STK32B: variants seen among roughly 807,000 people sequenced by gnomAD.
STK32B encodes serine/threonine-protein kinase 32B.
STK32B carries 43 observed loss-of-function variants against 52.6 expected under a neutral mutation model. The observed-to-expected ratio is 0.82, with a 90% CI of 0.64 to 1.05. The LOEUF is 1.05. Among genes scored for constraint, STK32B ranks in the 50% least tolerant of loss-of-function variants. The pLI, the probability that STK32B is intolerant of heterozygous loss-of-function variation, is 0.00. For synonymous variants in STK32B, 238 were observed against 204.3 expected (o/e 1.17, Z -1.41); for missense variants, 621 against 534.6 (o/e 1.16, Z -1.59).
At chr4:5,355,981 A>G (rs1734146568) in intron 4 of STK32B, among the ~76,000 whole-genome samples, 1 of 152,176 alleles carries the variant, frequency 6.6e-6, no homozygotes, top group South Asian at 2.1e-4. Flanking sequence ...CCTTCAGACC[A>G]GAGGCCAAAT....
intron 2 of STK32B, among the ~76,000 whole-genome samples, chr4:5,159,730 T>TATATGAATATATATATGA (rs1718269306): frequency 3.8e-5 from 4 of 105,700 alleles, no homozygotes; most frequent in African/African-American, 3.1e-4. Context: ...TGTATATGAA[T>TATATGAATATATATATGA]ATATATATGA....
At chr4:5,226,384 T>C (rs1335655855) in intron 3 of STK32B, among the ~76,000 whole-genome samples, 1 of 152,228 alleles carries the variant, frequency 6.6e-6, no homozygotes, top group Non-Finnish European at 1.5e-5. Context: ...TCATTCTCCA[T>C]GGTTTCAGTT....
intron 2 of STK32B, among the ~76,000 whole-genome samples, chr4:5,160,448 G>C (rs1179913136): frequency 6.6e-6 from 1 of 152,020 alleles, no homozygotes; most frequent in Admixed American, 6.6e-5. Context: ...GCCCTCTCCT[G>C]GTAACCCCCT....
chr4:5,235,492 A>G (rs549788340), intron 3 of STK32B, among the ~76,000 whole-genome samples: 1 of 152,350 alleles, frequency 6.6e-6, no homozygotes, highest in East Asian at 1.9e-4. Flanking sequence ...AGACTAGTAC[A>G]AGGTATACAG....
At chr4:5,457,216 T>G (rs9291093) in intron 8 of STK32B, among the ~76,000 whole-genome samples, 1 of 141,630 alleles carries the variant, frequency 7.1e-6, no homozygotes, top group African/African-American at 2.9e-5. Context: ...TTTTTTCTTT[T>G]TTTTTTTTTT....
chr4:5,239,773 T>C (rs1439536212), intron 3 of STK32B, among the ~76,000 whole-genome samples: 5 of 152,062 alleles, frequency 3.3e-5, no homozygotes, highest in African/African-American at 4.8e-5. Context: ...TTTTTTTTTT[T>C]CTGGAATGAA....
At chr4:5,099,452 G>GCA (rs773470174) in intron 1 of STK32B, among the ~76,000 whole-genome samples, 5 of 50,850 alleles carry the variant, frequency 9.8e-5, no homozygotes, top group Admixed American at 3.6e-4. Context: ...GTGTGTGTGC[G>GCA]CGCGCGCGTA....
chr4:5,042,042 G>A, the STK32B span, among the ~76,000 whole-genome samples: 1 of 152,138 alleles, frequency 6.6e-6, no homozygotes, highest in Non-Finnish European at 1.5e-5. Flanking sequence ...AAAATTAAAT[G>A]TTACGGCTTT....
At chr4:5,464,230 C>T (rs1285493777) in intron 9 of STK32B, among the ~76,000 whole-genome samples, 1 of 152,230 alleles carries the variant, frequency 6.6e-6, no homozygotes, top group Non-Finnish European at 1.5e-5. Flanking sequence ...TCCCACCAGG[C>T]CCCACCTCCC....
Position 5,331,451 on chromosome 4 carries a change from G to C in STK32B, c.434+58G>C. On this transcript the variant is annotated intron_variant, in intron 4 of 11. Coordinates refer to ENST00000282908, the MANE Select transcript of STK32B (RefSeq NM_018401.3). ...GAGGGACCATGGGCTAGGGTGTCAGGAGCAGTCTGCAGTAGTGGGGAGAGA... is the reference window on the plus strand; with the variant it reads ...GAGGGACCATGGGCTAGGGTGTCAGCAGCAGTCTGCAGTAGTGGGGAGAGA... The C allele has an allele frequency of 5.8e-6, 9 of 1,553,830 alleles. No individual in the cohort carries two copies. In the South Asian group the frequency reaches 1.1e-4, roughly 19 times the overall value.
At chr4:5,466,044 T>G (rs1226586439) in intron 9 of STK32B, among the ~76,000 whole-genome samples, 1 of 152,240 alleles carries the variant, frequency 6.6e-6, no homozygotes, top group Non-Finnish European at 1.5e-5. Context: ...GCTGCTGTTA[T>G]AGCCACCGGG....
At chr4:5,229,886 T>C (rs904268087) in intron 3 of STK32B, among the ~76,000 whole-genome samples, 2 of 152,172 alleles carry the variant, frequency 1.3e-5, no homozygotes, top group Non-Finnish European at 2.9e-5. Flanking sequence ...AGAGATCAAG[T>C]AGTTACACTG....
chr4:5,068,807 A>C (rs1040751003), intron 1 of STK32B, among the ~76,000 whole-genome samples: 13 of 152,226 alleles, frequency 8.5e-5, no homozygotes, highest in Non-Finnish European at 1.8e-4. Flanking sequence ...AGAAAATGAG[A>C]TAAAATAAAA....
In STK32B at chr4:5,459,992, G is replaced by A. The variant is rs1013829327; in HGVS notation, c.784-111G>A. The A allele has an allele frequency of 2.7e-6, 4 of 1,489,694 alleles. No individual in the cohort carries two copies. In the African/African-American group the frequency reaches 4.1e-5, roughly 15 times the overall value. The allele number at this position is 1,489,694 out of a possible 1,614,324, so 92.3% of individuals were successfully genotyped here. The stretch of plus-strand genomic sequence containing the variant: ...ACCCAGACGGGGCACAACATCAATA[G>A]AGCGTGAAGAGCAGAGGCACATTAA... On this transcript the variant is annotated intron_variant, in intron 8 of 11. Coordinates refer to ENST00000282908, the MANE Select transcript of STK32B (RefSeq NM_018401.3).
intron 4 of STK32B, among the ~76,000 whole-genome samples, chr4:5,337,156 T>G (rs1732763659): frequency 6.6e-6 from 1 of 151,596 alleles, no homozygotes; most frequent in Non-Finnish European, 1.5e-5. Flanking sequence ...TTTTTTTTTT[T>G]TTTGTATTTT....
At chr4:5,441,566 A>G (rs796206220) in intron 6 of STK32B, among the ~76,000 whole-genome samples, 22 of 151,460 alleles carry the variant, frequency 1.5e-4, no homozygotes, top group African/African-American at 5.3e-4. Flanking sequence ...TCCTGGATTC[A>G]TTAATTTTTT....
intron 2 of STK32B, among the ~76,000 whole-genome samples, chr4:5,143,018 C>T (rs983298248): frequency 6.6e-6 from 1 of 152,098 alleles, no homozygotes; most frequent in Non-Finnish European, 1.5e-5. Flanking sequence ...GCCAGCATGC[C>T]CTGTAAAAGT....
chr4:5,389,727 G>GCCC (rs147736631), intron 4 of STK32B, among the ~76,000 whole-genome samples: 171 of 151,710 alleles, frequency 1.1e-3, no homozygotes, highest in African/African-American at 3.9e-3. Context: ...GACTGAAAAT[G>GCCC]CCCCCCCCAA....
chr4:5,291,440 A>G (rs530970550), intron 3 of STK32B, among the ~76,000 whole-genome samples: 1 of 152,160 alleles, frequency 6.6e-6, no homozygotes, highest in South Asian at 2.1e-4. Flanking sequence ...TGTTTTCTGT[A>G]TTATATTTTC....
Sources: gnomAD v4.1 joint callset for allele counts (sites outside exome capture counted in the v4.1 genomes callset) on GRCh38, gnomAD v4.1.1 for gene constraint, MANE v1.5 for transcripts, NCBI Gene and HGNC (gene_info 2026-07-23, HGNC 2026-07-21) for gene names.